Variants in PARP4 observed in about 807,000 individuals in gnomAD.
The protein encoded by PARP4 is poly(ADP-ribose) polymerase family member 4.
In PARP4, 120 loss-of-function variants were observed where a neutral mutation model predicts 187.7. The ratio of observed to expected loss-of-function variants is 0.64; its 90% CI spans 0.55 to 0.74. PARP4 has a LOEUF of 0.74. PARP4 is among the 30% of genes least tolerant of loss of function. The probability of loss-of-function intolerance (pLI) is 0.00; values close to 1 mark genes in which losing one functional copy is unlikely to be tolerated. For synonymous variants in PARP4, 654 were observed against 740.9 expected (o/e 0.88, Z 1.90); for missense variants, 1,836 against 2,070.5 (o/e 0.89, Z 2.20).
At chr13:24,450,515 AC>A (rs1458872649) in intron 24 of PARP4, among the ~76,000 whole-genome samples, 1 of 152,138 alleles carries the variant, frequency 6.6e-6, no homozygotes, top group Non-Finnish European at 1.5e-5. Context: ...GATGATCATA[AC>A]ATTGACTAGA....
intron 15 of PARP4, among the ~76,000 whole-genome samples, chr13:24,472,694 C>G (rs1264435919): frequency 6.6e-6 from 1 of 152,160 alleles, no homozygotes; most frequent in Non-Finnish European, 1.5e-5. Flanking sequence ...ACGCTGCCTT[C>G]CATCCTGTGA....
At chr13:24,509,442 G>A (rs1276584695) in intron 1 of PARP4, among the ~76,000 whole-genome samples, 2 of 151,646 alleles carry the variant, frequency 1.3e-5, no homozygotes, top group African/African-American at 2.4e-5. Flanking sequence ...GGGAGGTCAA[G>A]GCTGCAGTGA....
At chr13:24,471,814 A>G (rs559323771) in intron 15 of PARP4, among the ~76,000 whole-genome samples, 1 of 152,320 alleles carries the variant, frequency 6.6e-6, no homozygotes, top group South Asian at 2.1e-4. Context: ...ACCTCGTCAT[A>G]ATTTGTTTTG....
intron 24 of PARP4, among the ~76,000 whole-genome samples, chr13:24,451,300 C>A (rs1316066668): frequency 6.6e-6 from 1 of 152,218 alleles, no homozygotes; most frequent in African/African-American, 2.4e-5. Context: ...AGGAACAACT[C>A]CTGGTGGAGC....
intron 14 of PARP4, 83 bp downstream of exon 14, chr13:24,477,618 C>T (rs1190905814): frequency 3.7e-6 from 3 of 806,058 alleles, no homozygotes; most frequent in Non-Finnish European, 6.2e-6. Flanking sequence ...ATAACAAATG[C>T]AAATATACAT....
chr13:24,478,309 A>G (rs369140943), intron 12 of PARP4, 33 bp from the exon 13 acceptor site: 37 of 1,407,378 alleles, frequency 2.6e-5, no homozygotes, highest in Non-Finnish European at 3.4e-5. Flanking sequence ...ACATATTTAC[A>G]GCTTAGAGTG....
chr13:24,466,045 A>T (rs1438774287), intron 17 of PARP4, among the ~76,000 whole-genome samples: 1 of 152,244 alleles, frequency 6.6e-6, no homozygotes, highest in Non-Finnish European at 1.5e-5. Flanking sequence ...AAAATGCTCT[A>T]CATATGCACT....
intron 27 of PARP4, among the ~76,000 whole-genome samples, chr13:24,444,373 T>C (rs1325735505): frequency 6.6e-6 from 1 of 152,308 alleles, no homozygotes; most frequent in African/African-American, 2.4e-5. Context: ...CCCTTATCAG[T>C]ACCCACAAAG....
intron 30 of PARP4, among the ~76,000 whole-genome samples, chr13:24,438,336 G>A (rs1870740018): frequency 6.6e-6 from 1 of 152,176 alleles, no homozygotes; most frequent in Admixed American, 6.5e-5. Context: ...CTGCTGACGT[G>A]ACAGGAGGCG....
chr13:24,475,708 G>A, intron 14 of PARP4, 112 bp from the exon 15 acceptor site: 1 of 1,106,752 alleles, frequency 9.0e-7, no homozygotes, highest in Non-Finnish European at 1.3e-6. Context: ...AGGGAAAATG[G>A]GCAAATAGCA....
chr13:24,490,566 G>A, intron 10 of PARP4, 102 bp downstream of exon 10: 1 of 918,464 alleles, frequency 1.1e-6, no homozygotes, highest in Non-Finnish European at 1.7e-6. Context: ...ACTGTGGCTT[G>A]TTGCTGAAGA....
rs748070578 is a variant in PARP4, at chr13:24,431,468, G to C, written c.4755C>G (p.Phe1585Leu). 3.2e-6 allele frequency: 5 copies of C among 1,576,808 alleles called. No individual in the cohort carries two copies. The South Asian group carries it at 5.9e-5, about 18-fold the overall frequency. ...ELLSLQTEDG[F>L]WKLTPELGLI... is the part of the protein sequence containing the mutation. ...GTCCCAGTTCTGGTGTAAGTTTCCA[G>C]AAGCCATCCTACAAAATTAAGGAAA... Residue 1585 changes from phenylalanine (F) to leucine (L), a missense_variant, in exon 32 of 34, where the codon TTC becomes TTG. Physicochemically the swap from Phe to Leu is conservative, Grantham distance 22 (BLOSUM62 0). This residue lies in a region of PARP4 where 450 missense variants were observed against 439.2 expected (regional missense o/e 1.02). Coordinates refer to ENST00000381989, the MANE Select transcript of PARP4 (RefSeq NM_006437.4).
Position 24,501,670 on chromosome 13 carries a change from G to A in PARP4, c.297C>T (p.Asp99=). The A allele has an allele frequency of 6.2e-7, 1 of 1,613,390 alleles. No individual in the cohort carries two copies. Among genetic ancestry groups the A allele is most frequent in the Non-Finnish European group, 8.5e-7 (1 of 1,179,388 alleles). ...VKNYDPYKPL[D]ITPPPDQKAS... is the part of the protein sequence containing the mutation. ...CCTTCTGATCAGGAGGTGGTGTGAT[G>A]TCCAGGGGCTTATAAGGATCATAAT... Residue 99 remains aspartate (D), a synonymous_variant, in exon 3 of 34, where the codon GAC becomes GAT. Transcript: ENST00000381989.
In PARP4 at chr13:24,441,710, C is replaced by G. The variant is rs886785078; in HGVS notation, c.3666+136G>C. The stretch of plus-strand genomic sequence containing the variant: ...GATGTAATTCAACATTTTATAAATG[C>G]ATGAATATTTTCCATCATCAGGGAT... On this transcript the variant is annotated intron_variant, in intron 30 of 33. Coordinates refer to ENST00000381989, the MANE Select transcript of PARP4 (RefSeq NM_006437.4). 2.1e-5 allele frequency: 15 copies of G among 726,700 alleles called. No homozygotes were observed. In the African/African-American group the frequency reaches 2.7e-4, roughly 13 times the overall value. 45.0% of individuals were successfully genotyped at this position (726,700 alleles called of 1,614,324 possible). A position where few individuals can be genotyped will look rare whatever the true frequency, so the allele number is the denominator to read the frequency against.
intron 25 of PARP4, among the ~76,000 whole-genome samples, chr13:24,448,239 CCAAA>C (rs1012493502): frequency 1.4e-4 from 21 of 151,894 alleles, no homozygotes; most frequent in Non-Finnish European, 2.4e-4. Context: ...CAAAAACCAA[CCAAA>C]CAAACAAAAA....
At chr13:24,425,230 G>C (rs568740600) in intron 33 of PARP4, among the ~76,000 whole-genome samples, 3,593 of 152,230 alleles carry the variant, frequency 0.024, 100 homozygotes, top group African/African-American at 0.063. Flanking sequence ...GAGCCCAGGA[G>C]GCGGAGGTTG....
intron 25 of PARP4, among the ~76,000 whole-genome samples, chr13:24,449,088 A>G (rs1871359371): frequency 6.6e-6 from 1 of 152,156 alleles, no homozygotes; most frequent in African/African-American, 2.4e-5. Context: ...TAAATTGTAC[A>G]CCTAAAAATG....
intron 29 of PARP4, among the ~76,000 whole-genome samples, chr13:24,442,302 T>A (rs1232668096): frequency 6.6e-6 from 1 of 152,258 alleles, no homozygotes; most frequent in Non-Finnish European, 1.5e-5. Context: ...ACGCCAAAAC[T>A]GTAACAAAAT....
chr13:24,494,219 A>T (rs1868818022), intron 7 of PARP4, among the ~76,000 whole-genome samples: 1 of 152,166 alleles, frequency 6.6e-6, no homozygotes, highest in Non-Finnish European at 1.5e-5. Context: ...TACTTGAGAC[A>T]GGGTCTTGCT....
Sources: gnomAD v4.1 joint callset for allele counts (sites outside exome capture counted in the v4.1 genomes callset) on GRCh38, gnomAD v4.1.1 for gene constraint, gnomAD v4.1.1 regional missense constraint, MANE v1.5 for transcripts, NCBI Gene and HGNC (gene_info 2026-07-23, HGNC 2026-07-21) for gene names.